CHIA: variants seen among roughly 807,000 people sequenced by gnomAD.
CHIA encodes acidic mammalian chitinase.
CHIA carries 47 observed loss-of-function variants against 53.5 expected under a neutral mutation model. The observed-to-expected ratio is 0.88, with a 90% CI of 0.70 to 1.12. The LOEUF (loss-of-function observed/expected upper bound fraction) is 1.12, where lower values mean the gene tolerates loss of function less well. CHIA is among the 50% of genes most tolerant of loss of function. The pLI, the probability that CHIA is intolerant of heterozygous loss-of-function variation, is 0.00. For missense variants in CHIA, 652 were observed against 592.2 expected (o/e 1.10, Z -1.05); for synonymous variants, 268 against 222.2 (o/e 1.21, Z -1.83).
At chr1:111,297,229 A>G (rs1458734601) in intron 1 of CHIA, among the ~76,000 whole-genome samples, 1 of 152,186 alleles carries the variant, frequency 6.6e-6, no homozygotes, top group African/African-American at 2.4e-5. Flanking sequence ...AGAGAACACC[A>G]CAAAGATCCT....
At chr1:111,307,411 T>C (rs1458955754) in intron 1 of CHIA, among the ~76,000 whole-genome samples, 2 of 152,174 alleles carry the variant, frequency 1.3e-5, no homozygotes, top group Non-Finnish European at 2.9e-5. Flanking sequence ...TTGAAACTAA[T>C]ATAATAAAGT....
In CHIA at chr1:111,319,220, T is replaced by C; in HGVS notation, c.1016T>C (p.Ile339Thr). ...AATGTGTGGGTTGGCTATGACAACA[T>C]CAAGAGCTTCGATATTAAGGTAAGA... is the stretch of plus-strand genomic sequence containing the variant. Reference protein sequence around the residue: ...QGNVWVGYDNIKSFDIKAQWL... With the variant: ...QGNVWVGYDNTKSFDIKAQWL... Residue 339 changes from isoleucine (I) to threonine (T), a missense_variant, in exon 10 of 12, where the codon ATC (isoleucine) becomes ACC (threonine). Transcript: ENST00000369740. The C allele has an allele frequency of 6.2e-7, 1 of 1,614,214 alleles. No individual in the cohort carries two copies. Among genetic ancestry groups the C allele is most frequent in the Non-Finnish European group, 8.5e-7 (1 of 1,180,038 alleles).
At chr1:111,318,707 G>T (rs2101654066) in intron 9 of CHIA, 29 bp downstream of exon 9, 9 of 1,596,282 alleles carry the variant, frequency 5.6e-6, no homozygotes, top group Non-Finnish European at 7.7e-6. Flanking sequence ...AAAGTGCTCT[G>T]TGAATTCCGT....
rs1267233314 is a variant in CHIA, at chr1:111,310,467, C to G, written c.-1C>G. 6.2e-7 allele frequency: 1 copy of G among 1,614,030 alleles called. No homozygotes were observed. Among genetic ancestry groups the G allele is most frequent in the East Asian group, 2.2e-5 (1 of 44,898 alleles). On this transcript the variant is annotated 5_prime_UTR_variant, in exon 2 of 12. Coordinates refer to ENST00000369740, the MANE Select transcript of CHIA (RefSeq NM_201653.4). ...CTGCGGGACTGGTGCTGACTGCAAC[C>G]ATGACAAAGCTTATTCTCCTCACAG...
At chr1:111,297,982 CAA>C (rs1334461425) in intron 1 of CHIA, among the ~76,000 whole-genome samples, 1 of 137,630 alleles carries the variant, frequency 7.3e-6, no homozygotes, top group South Asian at 2.5e-4. Context: ...CAGCAAAAAT[CAA>C]AAGAGACAAA....
chr1:111,308,298 C>G (rs1199531890), intron 1 of CHIA, among the ~76,000 whole-genome samples: 1 of 152,190 alleles, frequency 6.6e-6, no homozygotes, highest in Non-Finnish European at 1.5e-5. Context: ...GAGCTACTGG[C>G]TTTGCTGTTT....
At position 111,315,862 on chromosome 1, in the gene CHIA, G is replaced by A. The variant is rs564877353; in HGVS notation, c.480+427G>A. ...TTCTAAGCATTACACTAGGCTGCCC[G>A]TTATTACTGAGTACATATTCTGTGG... On this transcript the variant is annotated intron_variant, in intron 6 of 11. Transcript: ENST00000369740. The A allele has an allele frequency of 1.5e-4, 65 of 447,672 alleles. 1 individual carries two copies. Among genetic ancestry groups the A allele is most frequent in the South Asian group, 9.2e-4 (59 of 63,906 alleles). The allele number at this position is 447,672 out of a possible 1,614,324, so 27.7% of individuals were successfully genotyped here. A position where few individuals can be genotyped will look rare whatever the true frequency, so the allele number is the denominator to read the frequency against.
rs550748247 is a variant in CHIA at position 111,315,395 on chromosome 1, G to A, written c.440G>A (p.Ser147Asn). 1.5e-5 allele frequency: 24 copies of A among 1,613,968 alleles called. 1 individual carries two copies. The East Asian group carries it at 5.3e-4, about 36-fold the overall frequency. The change falls in exon 6 of 12, where the codon AGC becomes AAC. Residue 147 changes from serine (S) to asparagine (N), a missense_variant. By Grantham distance (46) the Ser-to-Asn change is conservative. Transcript: ENST00000369740. ...TGGGAGTACCCTGGCTCTCGTGGGA[G>A]CCCTCCTCAGGACAAGCATCTCTTC... ...FDWEYPGSRG[S>N]PPQDKHLFTV... is the part of the protein sequence containing the mutation.
intron 9 of CHIA, 74 bp from the exon 10 acceptor site, chr1:111,319,046 A>G: frequency 6.5e-7 from 1 of 1,544,240 alleles, no homozygotes; most frequent in Non-Finnish European, 8.7e-7. Context: ...GACATGAAAG[A>G]AGAAAAATTT....
intron 1 of CHIA, among the ~76,000 whole-genome samples, chr1:111,302,099 T>C (rs968019192): frequency 6.6e-6 from 1 of 152,240 alleles, no homozygotes; most frequent in Non-Finnish European, 1.5e-5. Flanking sequence ...TAGTCAGTAG[T>C]AATGTCCCCA....
Position 111,290,926 on chromosome 1 carries a change from C to T in CHIA, c.-93C>T, listed in dbSNP as rs146385552. ...GGAGCCCAGGCTGTTGCTTTCCAGT[C>T]TGGTGGTGAATCCTCCATAGTCTGG... is the stretch of plus-strand genomic sequence containing the variant. On this transcript the variant is annotated 5_prime_UTR_variant, in exon 1 of 12. Coordinates refer to ENST00000369740, the MANE Select transcript of CHIA (RefSeq NM_201653.4). 4.3e-6 allele frequency: 2 copies of T among 467,796 alleles called. No individual in the cohort carries two copies. The highest frequency in any genetic ancestry group is 1.4e-4 in the East Asian group (2 of 14,210). The allele number at this position is 467,796 out of a possible 1,614,324, so 29.0% of individuals were successfully genotyped here.
chr1:111,313,039 T>C (rs1380305577), intron 4 of CHIA, among the ~76,000 whole-genome samples: 1 of 152,232 alleles, frequency 6.6e-6, no homozygotes, highest in African/African-American at 2.4e-5. Flanking sequence ...ACATTTTCTT[T>C]GTCCATTCAT....
At chr1:111,297,573 A>G (rs542862958) in intron 1 of CHIA, among the ~76,000 whole-genome samples, 1 of 152,316 alleles carries the variant, frequency 6.6e-6, no homozygotes, top group African/African-American at 2.4e-5. Context: ...CTCCTGAAGG[A>G]AGCACTAAAC....
At chr1:111,294,527 A>G (rs777992059) in intron 1 of CHIA, among the ~76,000 whole-genome samples, 15 of 152,144 alleles carry the variant, frequency 9.9e-5, no homozygotes, top group Non-Finnish European at 1.8e-4. Flanking sequence ...TCCTTCCCAA[A>G]TTGGATGCCT....
chr1:111,293,410 G>T lies in CHIA; in HGVS notation c.-69+2460G>T, dbSNP rs116673624. Among the ~76,000 whole-genome samples, 1,464 of 151,922 alleles carry T rather than the reference G, an allele frequency of 9.6e-3. 16 individuals are homozygous for T. Among genetic ancestry groups the T allele is most frequent in the African/African-American group, 0.033 (1,374 of 41,494 alleles). The stretch of plus-strand genomic sequence containing the variant: ...GAAGAAATAGATATTCAAGTCCTTT[G>T]TCCATTTTGAATCAAGTTGTTTGGT... On this transcript the variant is annotated intron_variant, in intron 1 of 11. Coordinates refer to ENST00000369740, the MANE Select transcript of CHIA (RefSeq NM_201653.4).
chr1:111,298,112 C>A (rs976080923), intron 1 of CHIA, among the ~76,000 whole-genome samples: 4 of 152,120 alleles, frequency 2.6e-5, no homozygotes, highest in Non-Finnish European at 4.4e-5. Context: ...TAGAGACCTA[C>A]AAGGAGACTT....
chr1:111,299,218 A>T (rs953329566), intron 1 of CHIA, among the ~76,000 whole-genome samples: 5 of 152,196 alleles, frequency 3.3e-5, no homozygotes, highest in African/African-American at 1.2e-4. Context: ...AAAAGAGGGA[A>T]TCCTCCCTAA....
chr1:111,304,052 C>T (rs1647983048), intron 1 of CHIA, among the ~76,000 whole-genome samples: 1 of 152,266 alleles, frequency 6.6e-6, no homozygotes, highest in Admixed American at 6.5e-5. Context: ...AACTTTGAAT[C>T]TATCTGCCAA....
intron 1 of CHIA, among the ~76,000 whole-genome samples, chr1:111,299,915 C>T (rs189000364): frequency 6.6e-6 from 1 of 152,170 alleles, no homozygotes; most frequent in Non-Finnish European, 1.5e-5. Context: ...GCAAAAATCA[C>T]AAGCATTCCT....
Sources: allele counts gnomAD v4.1 joint callset (sites outside exome capture counted in the v4.1 genomes callset), GRCh38; gene constraint gnomAD v4.1.1; transcripts MANE v1.5; gene names NCBI Gene and HGNC (gene_info 2026-07-23, HGNC 2026-07-21).